Variants in BAZ1B observed in about 807,000 individuals in gnomAD.
BAZ1B encodes the protein bromodomain adjacent to zinc finger domain 1B.
Under a neutral mutation model 153.8 loss-of-function variants are expected in BAZ1B, and 22 were observed. The observed-to-expected ratio is 0.14, with a 90% confidence interval of 0.10 to 0.20. The LOEUF is 0.20. Among genes scored for constraint, BAZ1B ranks in the 10% least tolerant of loss-of-function variants. The pLI is 1.00. For synonymous variants in BAZ1B, 676 were observed against 633.4 expected (o/e 1.07, Z -1.01); for missense variants, 1,325 against 1,799.3 (o/e 0.74, Z 4.77).
chr7:73,496,760 T>C (rs192832965), intron 4 of BAZ1B, among the ~76,000 whole-genome samples: 37 of 152,092 alleles, frequency 2.4e-4, no homozygotes, highest in Non-Finnish European at 5.1e-4. Flanking sequence ...AGATTACAGA[T>C]TATGGAGAGA....
Position 73,478,504 on chromosome 7 carries a change from C to T in BAZ1B, c.957G>A (p.Lys319=). The T allele has an allele frequency of 1.3e-6, 2 of 1,595,364 alleles. No homozygotes were observed. The highest frequency in any genetic ancestry group is 2.7e-5 in the African/African-American group (2 of 73,998). ...NTGSPDRKPS[K]KSKTDNSSLS... ...GAGAAGAGTTGTCTGTCTTGGATTT[C>T]TTTGAGGGCTTCCTGTCTGGGGATC... The change falls in exon 7 of 20, where the codon AAG becomes AAA. Residue 319 remains lysine, a synonymous_variant. Transcript: ENST00000339594.
intron 10 of BAZ1B, among the ~76,000 whole-genome samples, chr7:73,466,000 T>C (rs375228297): frequency 6.6e-6 from 1 of 152,180 alleles, no homozygotes; most frequent in African/African-American, 2.4e-5. Context: ...CTTAAATACT[T>C]CTATTCCCAA....
At chr7:73,505,557 T>G (rs924040149) in intron 3 of BAZ1B, among the ~76,000 whole-genome samples, 1 of 152,144 alleles carries the variant, frequency 6.6e-6, no homozygotes, top group African/African-American at 2.4e-5. Flanking sequence ...CTAGACCTTC[T>G]GAACTCTCAA....
intron 2 of BAZ1B, among the ~76,000 whole-genome samples, chr7:73,509,946 G>A (rs1386539300): frequency 6.6e-6 from 1 of 151,730 alleles, no homozygotes; most frequent in Non-Finnish European, 1.5e-5. Flanking sequence ...GGCTAACATG[G>A]TGAAACCCCA....
intron 3 of BAZ1B, among the ~76,000 whole-genome samples, chr7:73,499,874 G>C (rs1790056486): frequency 6.6e-6 from 1 of 152,052 alleles, no homozygotes. Context: ...TGTTAACATG[G>C]CATGTATTTT....
chr7:73,452,588 G>C (rs1788058468), intron 13 of BAZ1B, among the ~76,000 whole-genome samples: 1 of 152,044 alleles, frequency 6.6e-6, no homozygotes. Context: ...CGGGTGTGGT[G>C]ATGTGTGCCT....
chr7:73,501,887 ATTTTTTTTTT>A (rs200718272), intron 3 of BAZ1B, among the ~76,000 whole-genome samples: 2 of 133,120 alleles, frequency 1.5e-5, no homozygotes, highest in African/African-American at 2.9e-5. Flanking sequence ...CTTATCAAGA[ATTTTTTTTTT>A]TTTTTTTTTT....
At chr7:73,458,249 G>T (rs1450790441) in intron 13 of BAZ1B, among the ~76,000 whole-genome samples, 2 of 152,198 alleles carry the variant, frequency 1.3e-5, no homozygotes, top group Non-Finnish European at 2.9e-5. Context: ...CAGAGAACTA[G>T]AGAGTTGCTT....
rs1281384826 is a variant in BAZ1B, at chr7:73,522,253, G to C, written c.-320C>G. The C allele has an allele frequency of 2.6e-6, 1 of 377,444 alleles. No individual in the cohort carries two copies. Among genetic ancestry groups the C allele is most frequent in the Non-Finnish European group, 4.7e-6 (1 of 212,532 alleles). 23.4% of individuals were successfully genotyped at this position (377,444 alleles called of 1,614,324 possible). On this transcript the variant is annotated 5_prime_UTR_variant, in exon 1 of 20. Coordinates refer to ENST00000339594, the MANE Select transcript of BAZ1B (RefSeq NM_032408.4). ...GGAGGAAATTATTGAAAAATGGCGG[G>C]AGATTCCCCTCCTCCCCCGGGCCCG... is the stretch of plus-strand genomic sequence containing the variant.
intron 9 of BAZ1B, 81 bp downstream of exon 9, chr7:73,469,436 C>T (rs1427015431): frequency 4.6e-6 from 7 of 1,528,502 alleles, no homozygotes; most frequent in African/African-American, 1.4e-5. Context: ...AAATGGAAAA[C>T]GTGACAGAGG....
intron 15 of BAZ1B, among the ~76,000 whole-genome samples, chr7:73,449,327 T>C (rs1368223339): frequency 4.6e-5 from 7 of 152,124 alleles, no homozygotes; most frequent in Non-Finnish European, 1.0e-4. Context: ...AGACAGAGAA[T>C]GTGGCTGGCA....
chr7:73,492,488 A>T lies in BAZ1B; in HGVS notation c.693+312T>A, dbSNP rs73362337. 1.6e-3 allele frequency among the ~76,000 whole-genome samples: 242 copies of T among 152,218 alleles called. 3 individuals carry two copies. Among genetic ancestry groups the T allele is most frequent in the African/African-American group, 5.6e-3 (231 of 41,554 alleles). ...GACTGCTCTACTTTTAACTGGGAAG[A>T]GTGATTTCCTTGGAAAGTCCATAAC... On this transcript the variant is annotated intron_variant, in intron 5 of 19. Transcript: ENST00000339594.
At chr7:73,458,108 T>C (rs140151556) in intron 13 of BAZ1B, among the ~76,000 whole-genome samples, 1 of 152,226 alleles carries the variant, frequency 6.6e-6, no homozygotes, top group African/African-American at 2.4e-5. Context: ...GGTGGCAACG[T>C]GGGGCTTGCG....
chr7:73,486,211 A>G (rs1284854136), intron 6 of BAZ1B, among the ~76,000 whole-genome samples: 2 of 152,190 alleles, frequency 1.3e-5, no homozygotes, highest in Non-Finnish European at 2.9e-5. Context: ...AAAACCACAA[A>G]CACACCCTCA....
chr7:73,496,842 C>G (rs993969365), intron 4 of BAZ1B, among the ~76,000 whole-genome samples: 17 of 151,876 alleles, frequency 1.1e-4, no homozygotes, highest in African/African-American at 2.2e-4. Context: ...CAGTCAAAAA[C>G]CTGTGTATAC....
At chr7:73,461,578 T>C (rs902046137) in intron 12 of BAZ1B, among the ~76,000 whole-genome samples, 14 of 152,158 alleles carry the variant, frequency 9.2e-5, no homozygotes, top group Non-Finnish European at 1.8e-4. Flanking sequence ...TTAAGAACCA[T>C]AAAGATGTTT....
intron 1 of BAZ1B, among the ~76,000 whole-genome samples, chr7:73,521,606 G>A (rs1791046232): frequency 6.6e-6 from 1 of 151,834 alleles, no homozygotes; most frequent in Non-Finnish European, 1.5e-5. Flanking sequence ...GGCGGCCGAA[G>A]CGGGCCCTTC....
At chr7:73,463,225 GT>G (rs1178952888) in intron 11 of BAZ1B, 126 bp from the exon 12 acceptor site, 1 of 687,198 alleles carries the variant, frequency 1.5e-6, no homozygotes, top group Non-Finnish European at 2.3e-6. Flanking sequence ...TCTCCCTGGT[GT>G]TTTTTCTTTT....
At chr7:73,503,085 CCTGCGGCAAAA>C (rs1790200750) in intron 3 of BAZ1B, among the ~76,000 whole-genome samples, 2 of 152,254 alleles carry the variant, frequency 1.3e-5, no homozygotes, top group African/African-American at 4.8e-5. Flanking sequence ...ACACAGATTT[CCTGCGGCAAAA>C]CTGAGGGTAA....
Sources: allele counts gnomAD v4.1 joint callset (sites outside exome capture counted in the v4.1 genomes callset), GRCh38; gene constraint gnomAD v4.1.1; transcripts MANE v1.5; gene names NCBI Gene and HGNC (gene_info 2026-07-23, HGNC 2026-07-21).